Variants in CEP170 observed in about 807,000 individuals in gnomAD.
The protein encoded by CEP170 is centrosomal protein of 170 kDa.
In CEP170, 21 loss-of-function variants were observed where a neutral mutation model predicts 151.9. The observed-to-expected ratio is 0.14, with a 90% CI of 0.10 to 0.20. The LOEUF (loss-of-function observed/expected upper bound fraction) is 0.20, where lower values mean the gene tolerates loss of function less well. Among genes scored for constraint, CEP170 ranks in the 10% least tolerant of loss-of-function variants. CEP170 has a pLI of 1.00. For synonymous variants in CEP170, 356 were observed against 648.8 expected (o/e 0.55, Z 6.86); for missense variants, 964 against 1,892.9 (o/e 0.51, Z 9.11).
chr1:243,219,344 C>G (rs139300613), intron 3 of CEP170, among the ~76,000 whole-genome samples: 1 of 152,292 alleles, frequency 6.6e-6, no homozygotes, highest in East Asian at 1.9e-4. Flanking sequence ...TATGAGGAAA[C>G]TGAATTTCAG....
In CEP170 at chr1:243,186,365, C is replaced by G. The variant is rs201923639; in HGVS notation, c.1166G>C (p.Arg389Pro). ...SDSENAGAHR[R>P]CSKRATLEEH... ...CTCAAGAGTTGCACGTTTGCTACAG[C>G]GCCTGTGAGCCCCAGCGTTCTCTGA... is the stretch of plus-strand genomic sequence containing the variant. Residue 389 changes from arginine (R) to proline (P), a missense_variant, in exon 9 of 20, where the codon CGC becomes CCC. Coordinates refer to ENST00000366542, the MANE Select transcript of CEP170 (RefSeq NM_014812.3). 3 of 1,613,468 alleles carry G rather than the reference C, an allele frequency of 1.9e-6. No individual in the cohort carries two copies. The highest frequency in any genetic ancestry group is 1.1e-5 in the South Asian group (1 of 91,010).
rs762554071 is a variant in CEP170, at chr1:243,165,977, C to T, written c.1983G>A (p.Lys661=). 1 of 1,613,324 alleles carries T rather than the reference C, an allele frequency of 6.2e-7. No homozygotes were observed. Among genetic ancestry groups the T allele is most frequent in the Non-Finnish European group, 8.5e-7 (1 of 1,179,672 alleles). The stretch of plus-strand genomic sequence containing the variant: ...CTATCTCTGACCTCTGTGTTACAAC[C>T]TTTGCTCTGTGGCTCTCAAGAGACT... ...EEKSLESHRA[K]VVTQRSEIGE... Residue 661 remains lysine, a synonymous_variant, in exon 13 of 20, where the codon AAG becomes AAA. Transcript: ENST00000366542.
intron 8 of CEP170, chr1:243,186,647 C>G: frequency 2.0e-6 from 1 of 501,506 alleles, no homozygotes; most frequent in Non-Finnish European, 3.5e-6. Context: ...ATAGGATCGC[C>G]TTTCTCCAAA....
chr1:243,234,828 A>C (rs2064110752), intron 1 of CEP170, among the ~76,000 whole-genome samples: 1 of 152,202 alleles, frequency 6.6e-6, no homozygotes, highest in South Asian at 2.1e-4. Flanking sequence ...AGGATCAAGT[A>C]AAATGCAAAT....
chr1:243,211,617 C>A (rs944838308), intron 4 of CEP170: 3 of 341,274 alleles, frequency 8.8e-6, no homozygotes, highest in African/African-American at 4.3e-5. Flanking sequence ...ATTATATATG[C>A]AATAGCACTT....
At chr1:243,250,401 C>T (rs2065832874) in intron 1 of CEP170, among the ~76,000 whole-genome samples, 1 of 152,130 alleles carries the variant, frequency 6.6e-6, no homozygotes, top group South Asian at 2.1e-4. Context: ...TAATAGGAGG[C>T]AATGGTAAAA....
chr1:243,218,460 T>A (rs1318835479), intron 3 of CEP170, among the ~76,000 whole-genome samples: 4 of 152,182 alleles, frequency 2.6e-5, no homozygotes, highest in Admixed American at 6.5e-5. Context: ...AAATGGCCCG[T>A]TAAAATATCA....
chr1:243,249,401 G>C (rs2065725967), intron 1 of CEP170, among the ~76,000 whole-genome samples: 1 of 150,748 alleles, frequency 6.6e-6, no homozygotes, highest in South Asian at 2.1e-4. Context: ...CTGGGCGACA[G>C]AACAAGACTC....
chr1:243,198,191 C>A (rs1051190706), intron 7 of CEP170, among the ~76,000 whole-genome samples: 17 of 152,064 alleles, frequency 1.1e-4, no homozygotes, highest in Admixed American at 9.2e-4. Flanking sequence ...CTGCTGTTAT[C>A]TCAAAAACTG....
chr1:243,153,759 T>C (rs1443725363), intron 14 of CEP170, among the ~76,000 whole-genome samples: 3 of 152,238 alleles, frequency 2.0e-5, no homozygotes, highest in Non-Finnish European at 4.4e-5. Context: ...TTTGAGATAT[T>C]TGCCTTACTA....
chr1:243,246,296 A>G (rs1023871060), intron 1 of CEP170, among the ~76,000 whole-genome samples: 10 of 148,326 alleles, frequency 6.7e-5, no homozygotes, highest in Non-Finnish European at 1.2e-4. Flanking sequence ...CAGTGGAGCA[A>G]TCTCAGCTCA....
At chr1:243,153,238 A>T (rs559827230) in intron 14 of CEP170, among the ~76,000 whole-genome samples, 1 of 152,240 alleles carries the variant, frequency 6.6e-6, no homozygotes, top group African/African-American at 2.4e-5. Context: ...GGGAAAAGAA[A>T]GTGGTATCTT....
chr1:243,226,058 GAT>G (rs10632118), intron 1 of CEP170, among the ~76,000 whole-genome samples: 3 of 109,902 alleles, frequency 2.7e-5, no homozygotes, highest in African/African-American at 8.6e-5. Flanking sequence ...TATATATCTA[GAT>G]ATATATATCT....
chr1:243,149,758 A>C (rs1338730181), intron 14 of CEP170, among the ~76,000 whole-genome samples: 2 of 152,220 alleles, frequency 1.3e-5, no homozygotes, highest in African/African-American at 4.8e-5. Flanking sequence ...CTGAATTGCA[A>C]TACACAGAAA....
At chr1:243,215,840 C>T (rs4408135) in intron 3 of CEP170, among the ~76,000 whole-genome samples, 1 of 151,640 alleles carries the variant, frequency 6.6e-6, no homozygotes, top group Non-Finnish European at 1.5e-5. Flanking sequence ...TTGCAGCTTG[C>T]GGGGCATCAC....
chr1:243,213,772 T>C (rs2062020350), intron 3 of CEP170, among the ~76,000 whole-genome samples: 1 of 152,206 alleles, frequency 6.6e-6, no homozygotes, highest in South Asian at 2.1e-4. Context: ...TGCAGTGGCA[T>C]GGACCACATC....
intron 1 of CEP170, among the ~76,000 whole-genome samples, chr1:243,254,627 C>T (rs2149227290): frequency 6.6e-6 from 1 of 152,354 alleles, no homozygotes; most frequent in African/African-American, 2.4e-5. Context: ...GCAGCCATTC[C>T]CTCCAATGCT....
chr1:243,211,949 C>T lies in CEP170; in HGVS notation c.211G>A (p.Val71Ile), dbSNP rs761312656. ...ATATAAGTCTGTTCCGGAATCCTTA[C>T]ATCATTCACAAAAGTCTACAAGGAA... Reference protein sequence around the residue: ...GSLNGTFVNDVRIPEQTYITL... With the variant: ...GSLNGTFVNDIRIPEQTYITL... The change falls in exon 4 of 20, where the codon GTA (valine) becomes ATA (isoleucine). Residue 71 changes from valine to isoleucine, a missense_variant. Transcript: ENST00000366542. 9.1e-6 allele frequency: 14 copies of T among 1,534,274 alleles called. No homozygotes were observed. Among genetic ancestry groups the T allele is most frequent in the Middle Eastern group, 3.5e-4 (2 of 5,762 alleles).
intron 1 of CEP170, among the ~76,000 whole-genome samples, chr1:243,242,849 C>A (rs750692813): frequency 6.6e-6 from 1 of 152,164 alleles, no homozygotes; most frequent in Non-Finnish European, 1.5e-5. Context: ...TACAGGCATG[C>A]GCCATTGCGC....
Sources: gnomAD v4.1 joint callset for allele counts (sites outside exome capture counted in the v4.1 genomes callset) on GRCh38, gnomAD v4.1.1 for gene constraint, MANE v1.5 for transcripts, NCBI Gene and HGNC (gene_info 2026-07-23, HGNC 2026-07-21) for gene names.